The following JAZF1 variants were observed in gnomAD, a reference collection of about 807,000 sequenced individuals.
The protein encoded by JAZF1 is JAZF zinc finger 1.
A neutral mutation model predicts 26.4 loss-of-function variants in JAZF1; 8 were observed. The ratio of observed to expected loss-of-function variants is 0.30; its 90% CI spans 0.18 to 0.55. The LOEUF (loss-of-function observed/expected upper bound fraction) is 0.55. Ranked by LOEUF, JAZF1 falls within the 20% of genes least tolerant of loss-of-function variation. The probability of loss-of-function intolerance (pLI) is 0.94; values close to 1 mark genes in which losing one functional copy is unlikely to be tolerated. For synonymous variants in JAZF1, 126 were observed against 122.3 expected, an observed-to-expected ratio of 1.03 and a Z score of -0.20; for missense variants, 199 against 322.0, an observed-to-expected ratio of 0.62 and a Z score of 2.92.
intron 2 of JAZF1, among the ~76,000 whole-genome samples, chr7:27,925,277 G>T (rs565679201): frequency 7.9e-5 from 12 of 152,294 alleles, no homozygotes; most frequent in Admixed American, 2.6e-4. Flanking sequence ...AAGCTAAATA[G>T]AATCTCAGCC....
chr7:27,917,365 G>C (rs111350666), intron 2 of JAZF1, among the ~76,000 whole-genome samples: 5,115 of 152,188 alleles, frequency 0.034, 158 homozygotes, highest in East Asian at 0.12. Flanking sequence ...TCACTGGCTA[G>C]AACTATATCA....
intron 2 of JAZF1, among the ~76,000 whole-genome samples, chr7:27,953,745 T>C (rs925657696): frequency 2.0e-5 from 3 of 152,202 alleles, no homozygotes; most frequent in Non-Finnish European, 4.4e-5. Context: ...TTAAACCCCT[T>C]GATGGATCAA....
At chr7:28,102,960 G>A (rs1432449840) in intron 1 of JAZF1, among the ~76,000 whole-genome samples, 1 of 152,172 alleles carries the variant, frequency 6.6e-6, no homozygotes, top group African/African-American at 2.4e-5. Context: ...TTGACCTTGA[G>A]CCCTAACTCA....
At chr7:27,958,589 T>C (rs1366458692) in intron 2 of JAZF1, among the ~76,000 whole-genome samples, 1 of 152,198 alleles carries the variant, frequency 6.6e-6, no homozygotes, top group Non-Finnish European at 1.5e-5. Context: ...CAAAGCATCC[T>C]TGGAGCTGTC....
chr7:28,002,082 A>G (rs897616401), intron 1 of JAZF1, among the ~76,000 whole-genome samples: 2 of 152,226 alleles, frequency 1.3e-5, no homozygotes, highest in African/African-American at 4.8e-5. Context: ...GAATCCCATC[A>G]TAACACCACA....
intron 1 of JAZF1, among the ~76,000 whole-genome samples, chr7:28,071,425 G>T (rs1277437321): frequency 6.6e-6 from 1 of 152,144 alleles, no homozygotes; most frequent in Non-Finnish European, 1.5e-5. Context: ...TGCCTCAACT[G>T]CCCTGAAAAA....
At chr7:27,889,122 G>GAACT (rs1485945247) in intron 3 of JAZF1, among the ~76,000 whole-genome samples, 2 of 152,166 alleles carry the variant, frequency 1.3e-5, no homozygotes, top group African/African-American at 4.8e-5. Context: ...TCTGGTTGTA[G>GAACT]AACTACCCAC....
chr7:28,067,069 C>T (rs1002947541), intron 1 of JAZF1, among the ~76,000 whole-genome samples: 3 of 152,178 alleles, frequency 2.0e-5, no homozygotes, highest in Admixed American at 2.0e-4. Context: ...AAGCTGCTGC[C>T]ATCCCTCCAT....
At chr7:27,937,925 T>G (rs1017278889) in intron 2 of JAZF1, among the ~76,000 whole-genome samples, 3 of 152,224 alleles carry the variant, frequency 2.0e-5, no homozygotes, top group African/African-American at 7.2e-5. Flanking sequence ...TTGCATTTTT[T>G]GGTGCATTTT....
intron 3 of JAZF1, among the ~76,000 whole-genome samples, chr7:27,861,480 T>C (rs761201198): frequency 6.6e-6 from 1 of 152,148 alleles, no homozygotes; most frequent in Non-Finnish European, 1.5e-5. Flanking sequence ...AAAATAGCTC[T>C]CTGTCCTTTC....
intron 2 of JAZF1, among the ~76,000 whole-genome samples, chr7:27,947,465 T>G (rs1009219118): frequency 6.6e-6 from 1 of 152,216 alleles, no homozygotes; most frequent in Admixed American, 6.5e-5. Context: ...CACTCACAGT[T>G]GTTCTGTTTT....
chr7:27,971,379 G>T (rs562984840), intron 2 of JAZF1, among the ~76,000 whole-genome samples: 1 of 152,198 alleles, frequency 6.6e-6, no homozygotes, highest in Non-Finnish European at 1.5e-5. Context: ...ACTGCTTTGA[G>T]CCAACGGGCA....
At chr7:28,117,472 ACT>A (rs1484330850) in intron 1 of JAZF1, among the ~76,000 whole-genome samples, 1 of 152,032 alleles carries the variant, frequency 6.6e-6, no homozygotes, top group East Asian at 1.9e-4. Flanking sequence ...CTTTGTCATA[ACT>A]CTGTTGAATA....
In JAZF1 at chr7:27,840,611, G is replaced by A. The variant is rs1782904584; in HGVS notation, c.555+87C>T. ...GTGTCTCCCCCCAGCCCATACGCTC[G>A]CTTTAAAATCAAGAAAGGGCTGCTG... On this transcript the variant is annotated intron_variant, in intron 4 of 4. Coordinates refer to ENST00000283928, the MANE Select transcript of JAZF1 (RefSeq NM_175061.4). This position sits in a 1 kb window ranked among gnomAD's most constrained non-coding sequence, Gnocchi z 5.1. 8.0e-6 allele frequency: 11 copies of A among 1,380,214 alleles called. No individual in the cohort carries two copies. Among genetic ancestry groups the A allele is most frequent in the South Asian group, 3.8e-5 (3 of 78,354 alleles). The allele number at this position is 1,380,214 out of a possible 1,614,324, so 85.5% of individuals were successfully genotyped here. A position where few individuals can be genotyped will look rare whatever the true frequency, so the allele number is the denominator to read the frequency against.
chr7:28,131,373 G>A (rs946381229), intron 1 of JAZF1, among the ~76,000 whole-genome samples: 3 of 150,524 alleles, frequency 2.0e-5, no homozygotes, highest in Non-Finnish European at 2.9e-5. Flanking sequence ...TCTCCCTATT[G>A]CCCCATGTTA....
In JAZF1 at chr7:27,887,983, T is replaced by G. The variant is rs188973749; in HGVS notation, c.385+7237A>C. 1.5e-3 allele frequency among the ~76,000 whole-genome samples: 235 copies of G among 152,222 alleles called. 1 individual carries two copies. The highest frequency in any genetic ancestry group is 5.3e-3 in the African/African-American group (220 of 41,542). ...AAAAGGAAGAGGAAGAGACAAGGAT[T>G]AGAACAGAGTAGTATATAAACAAGC... On this transcript the variant is annotated intron_variant, in intron 3 of 4. Transcript: ENST00000283928.
intron 1 of JAZF1, among the ~76,000 whole-genome samples, chr7:28,147,512 A>G (rs1032467548): frequency 6.8e-6 from 1 of 146,918 alleles, no homozygotes; most frequent in Non-Finnish European, 1.5e-5. Flanking sequence ...TTACATTATG[A>G]AAGTTTAGCT....
At chr7:28,174,365 C>T (rs1366170892) in intron 1 of JAZF1, among the ~76,000 whole-genome samples, 1 of 152,210 alleles carries the variant, frequency 6.6e-6, no homozygotes, top group African/African-American at 2.4e-5. Flanking sequence ...GGCTTCCAAA[C>T]AGTCCCAGGG....
chr7:27,933,796 G>A (rs1360228763), intron 2 of JAZF1, among the ~76,000 whole-genome samples: 3 of 152,148 alleles, frequency 2.0e-5, no homozygotes, highest in Non-Finnish European at 1.5e-5. Context: ...TTGGCAGACT[G>A]CAGAACATAA....
Sources: gnomAD v4.1 joint callset for allele counts (sites outside exome capture counted in the v4.1 genomes callset) on GRCh38, gnomAD v4.1.1 for gene constraint, Gnocchi (gnomAD v3.1) non-coding constraint, MANE v1.5 for transcripts, NCBI Gene and HGNC (gene_info 2026-07-23, HGNC 2026-07-21) for gene names.